PPP2R2A: variants seen among roughly 807,000 people sequenced by gnomAD.
PPP2R2A encodes the protein protein phosphatase 2 regulatory subunit Balpha.
Under a neutral mutation model 53.2 loss-of-function variants are expected in PPP2R2A, and 9 were observed. The ratio of observed to expected loss-of-function variants is 0.17; its 90% CI spans 0.10 to 0.30. The LOEUF (loss-of-function observed/expected upper bound fraction) is 0.30, where lower values mean the gene tolerates loss of function less well. Ranked by LOEUF, PPP2R2A falls within the 10% of genes least tolerant of loss-of-function variation. The pLI is 1.00. For synonymous variants in PPP2R2A, 169 were observed against 174.2 expected, an observed-to-expected ratio of 0.97 and a Z score of 0.23; for missense variants, 235 against 534.6, an observed-to-expected ratio of 0.44 and a Z score of 5.53.
At chr8:26,352,098 A>G (rs1053738478) in intron 3 of PPP2R2A, among the ~76,000 whole-genome samples, 1 of 152,236 alleles carries the variant, frequency 6.6e-6, no homozygotes, top group Non-Finnish European at 1.5e-5. Flanking sequence ...AAGGCAAGCA[A>G]GAAAAGAGAG....
At chr8:26,293,771 A>C (rs1019499885) in intron 2 of PPP2R2A, 31 bp downstream of exon 2, 1 of 1,602,754 alleles carries the variant, frequency 6.2e-7, no homozygotes, top group Non-Finnish European at 8.5e-7. Flanking sequence ...AAATTTGGAT[A>C]TATAATTTTT....
intron 4 of PPP2R2A, among the ~76,000 whole-genome samples, chr8:26,358,097 G>A (rs959471833): frequency 6.9e-6 from 1 of 145,672 alleles, no homozygotes; most frequent in African/African-American, 2.4e-5. Context: ...ACTGAAAAAT[G>A]TATCCTAATT....
chr8:26,349,598 A>G (rs1407361643), intron 3 of PPP2R2A, among the ~76,000 whole-genome samples: 6 of 152,228 alleles, frequency 3.9e-5, no homozygotes, highest in Admixed American at 6.5e-5. Context: ...TATGTGTGGT[A>G]TATATTTTAA....
At chr8:26,306,621 G>A (rs537053899) in intron 2 of PPP2R2A, among the ~76,000 whole-genome samples, 20 of 151,776 alleles carry the variant, frequency 1.3e-4, no homozygotes, top group South Asian at 4.2e-4. Flanking sequence ...TAGTTTGTAC[G>A]TCTGTTTTAC....
chr8:26,332,942 G>A (rs1054870572), intron 2 of PPP2R2A, among the ~76,000 whole-genome samples: 8 of 152,270 alleles, frequency 5.3e-5, no homozygotes, highest in Middle Eastern at 3.4e-3. Flanking sequence ...TCTGACAGTT[G>A]ATCACTGTGT....
At chr8:26,369,281 C>CA (rs1805544116) in intron 9 of PPP2R2A, among the ~76,000 whole-genome samples, 1 of 152,064 alleles carries the variant, frequency 6.6e-6, no homozygotes, top group Admixed American at 6.5e-5. Context: ...GGCTGGAGTG[C>CA]AGTGGCACAA....
In PPP2R2A at chr8:26,354,343, T is replaced by C; in HGVS notation, c.181-125T>C. The C allele has an allele frequency of 1.5e-6, 1 of 678,064 alleles. No homozygotes were observed. The highest frequency in any genetic ancestry group is 2.2e-6 in the Non-Finnish European group (1 of 462,082). The allele number at this position is 678,064 out of a possible 1,614,324, so 42.0% of individuals were successfully genotyped here. On this transcript the variant is annotated intron_variant, in intron 3 of 9. Coordinates refer to ENST00000380737, the MANE Select transcript of PPP2R2A (RefSeq NM_002717.4). This position sits in a 1 kb window ranked among gnomAD's most constrained non-coding sequence, Gnocchi z 4.6. Reference sequence around the variant, plus strand: ...CTTTAGAAATATAAAAAACAGAATGTAATTGTATAAAGACACAACTAATGG... The same window carrying C: ...CTTTAGAAATATAAAAAACAGAATGCAATTGTATAAAGACACAACTAATGG...
At chr8:26,324,545 A>C (rs930268641) in intron 2 of PPP2R2A, among the ~76,000 whole-genome samples, 5 of 152,216 alleles carry the variant, frequency 3.3e-5, no homozygotes, top group Non-Finnish European at 7.3e-5. Context: ...AGTCTGCTGC[A>C]GGGGCAGGGC....
At chr8:26,356,300 C>G (rs1190021527) in intron 4 of PPP2R2A, among the ~76,000 whole-genome samples, 1 of 152,182 alleles carries the variant, frequency 6.6e-6, no homozygotes, top group Non-Finnish European at 1.5e-5. Flanking sequence ...TTCACAAATG[C>G]CTGATGGCCA....
intron 2 of PPP2R2A, among the ~76,000 whole-genome samples, chr8:26,295,354 A>G (rs1801497298): frequency 6.6e-6 from 1 of 152,204 alleles, no homozygotes; most frequent in Non-Finnish European, 1.5e-5. Context: ...ACCTACCTGA[A>G]CCAAATAACT....
rs573175543 is a variant in PPP2R2A at position 26,355,930 on chromosome 8, T to C, written c.346+1297T>C. On this transcript the variant is annotated intron_variant, in intron 4 of 9. Coordinates refer to ENST00000380737, the MANE Select transcript of PPP2R2A (RefSeq NM_002717.4). ...GAATTTGAAATCCTTTATGATGAGT[T>C]GGGTGCTTTCTCTTTGTTCTTATGA... Among the ~76,000 whole-genome samples, 4 of 152,104 alleles carry C rather than the reference T, an allele frequency of 2.6e-5. No individual in the cohort carries two copies. The South Asian group carries it at 8.3e-4, about 32-fold the overall frequency.
chr8:26,310,437 A>T (rs148341301), intron 2 of PPP2R2A, among the ~76,000 whole-genome samples: 2 of 150,574 alleles, frequency 1.3e-5, no homozygotes, highest in Non-Finnish European at 2.9e-5. Flanking sequence ...CAAAACTGTT[A>T]TCAGACGTAC....
intron 2 of PPP2R2A, among the ~76,000 whole-genome samples, chr8:26,310,054 G>C (rs62494203): frequency 1.3e-5 from 2 of 150,024 alleles, no homozygotes; most frequent in African/African-American, 4.9e-5. Flanking sequence ...AGGCTGAGGC[G>C]GGCGGATCAC....
chr8:26,363,944 T>C (rs768207917), intron 8 of PPP2R2A, 54 bp downstream of exon 8: 13 of 1,434,768 alleles, frequency 9.1e-6, no homozygotes, highest in African/African-American at 2.8e-5. Flanking sequence ...TTGAAGTGTT[T>C]ATAGAGAAGG....
chr8:26,299,093 G>C (rs1324942081), intron 2 of PPP2R2A, among the ~76,000 whole-genome samples: 1 of 152,140 alleles, frequency 6.6e-6, no homozygotes, highest in African/African-American at 2.4e-5. Context: ...GGACAACATA[G>C]TGAGACCTTT....
intron 9 of PPP2R2A, among the ~76,000 whole-genome samples, chr8:26,367,436 A>C (rs752558336): frequency 6.6e-6 from 1 of 152,212 alleles, no homozygotes; most frequent in Non-Finnish European, 1.5e-5. Context: ...ATTATCAGAA[A>C]AAAACGATTT....
intron 2 of PPP2R2A, among the ~76,000 whole-genome samples, chr8:26,332,636 A>G (rs1388693820): frequency 6.6e-6 from 1 of 152,180 alleles, no homozygotes; most frequent in African/African-American, 2.4e-5. Context: ...GCTTTCTCTT[A>G]GCCACATTAG....
At chr8:26,341,287 T>G (rs576141068) in intron 3 of PPP2R2A, among the ~76,000 whole-genome samples, 62 of 152,204 alleles carry the variant, frequency 4.1e-4, no homozygotes, top group Non-Finnish European at 7.1e-4. Context: ...GTCTTAGAGT[T>G]TCTAATACAG....
At chr8:26,315,204 T>C (rs1382171664) in intron 2 of PPP2R2A, among the ~76,000 whole-genome samples, 1 of 152,166 alleles carries the variant, frequency 6.6e-6, no homozygotes, top group African/African-American at 2.4e-5. Flanking sequence ...TGTCTGTTAG[T>C]TCTTAAGAAT....
Sources: gnomAD v4.1 joint callset for allele counts (sites outside exome capture counted in the v4.1 genomes callset) on GRCh38, gnomAD v4.1.1 for gene constraint, Gnocchi (gnomAD v3.1) non-coding constraint, MANE v1.5 for transcripts, NCBI Gene and HGNC (gene_info 2026-07-23, HGNC 2026-07-21) for gene names.